Variants in ARHGAP19 observed in about 807,000 individuals in gnomAD.
ARHGAP19 encodes the protein Rho GTPase activating protein 19.
A neutral mutation model predicts 60.9 loss-of-function variants in ARHGAP19; 48 were observed. The observed-to-expected ratio is 0.79, with a 90% CI of 0.62 to 1.00. The LOEUF (loss-of-function observed/expected upper bound fraction) is 1.00, where lower values mean the gene tolerates loss of function less well. Among genes scored for constraint, ARHGAP19 ranks in the 50% least tolerant of loss-of-function variants. The pLI, the probability that ARHGAP19 is intolerant of heterozygous loss-of-function variation, is 0.00. For missense variants in ARHGAP19, 562 were observed against 597.2 expected (o/e 0.94, Z 0.61); for synonymous variants, 209 against 215.5 (o/e 0.97, Z 0.27).
intron 1 of ARHGAP19, 109 bp downstream of exon 1, chr10:97,292,458 CGTGGG>C: frequency 7.3e-7 from 1 of 1,363,128 alleles, no homozygotes; most frequent in East Asian, 2.4e-5. Flanking sequence ...TGAGAAACGC[CGTGGG>C]AGAAAGAAAC....
chr10:97,269,822 G>A (rs968867687), intron 1 of ARHGAP19, among the ~76,000 whole-genome samples: 1 of 152,142 alleles, frequency 6.6e-6, no homozygotes, highest in Non-Finnish European at 1.5e-5. Flanking sequence ...TTATATTCCT[G>A]AAACAGAAAC....
chr10:97,253,310 G>A (rs894410457), intron 6 of ARHGAP19, among the ~76,000 whole-genome samples: 17 of 151,528 alleles, frequency 1.1e-4, no homozygotes, highest in African/African-American at 2.7e-4. Context: ...CCCAGGAGAC[G>A]GAGGCTGCAG....
At chr10:97,266,882 G>C (rs1255189925) in intron 1 of ARHGAP19, among the ~76,000 whole-genome samples, 6 of 152,056 alleles carry the variant, frequency 3.9e-5, no homozygotes, top group African/African-American at 1.4e-4. Context: ...GGGGATTATG[G>C]GAGCTACAAT....
chr10:97,250,194 A>G (rs1196650708), intron 6 of ARHGAP19, among the ~76,000 whole-genome samples: 1 of 152,160 alleles, frequency 6.6e-6, no homozygotes, highest in Non-Finnish European at 1.5e-5. Context: ...CAGCCAAAAA[A>G]GTGTATGAAC....
At chr10:97,246,485 T>C in intron 6 of ARHGAP19, 148 bp from the exon 7 acceptor site, 2 of 623,620 alleles carry the variant, frequency 3.2e-6, no homozygotes, top group Non-Finnish European at 2.8e-6. Context: ...AGCCCCTCCA[T>C]AGCTTCCTTT....
At chr10:97,255,717 C>CT (rs1842744477) in intron 6 of ARHGAP19, among the ~76,000 whole-genome samples, 1 of 152,150 alleles carries the variant, frequency 6.6e-6, no homozygotes, top group African/African-American at 2.4e-5. Context: ...ACAAAGGGCC[C>CT]TTTCAAGAGA....
intron 8 of ARHGAP19, among the ~76,000 whole-genome samples, chr10:97,242,157 A>G (rs1002837305): frequency 6.6e-6 from 1 of 151,076 alleles, no homozygotes; most frequent in Non-Finnish European, 1.5e-5. Flanking sequence ...TGATATGATC[A>G]TAACTATGTA....
chr10:97,250,006 G>A (rs914724702), intron 6 of ARHGAP19, among the ~76,000 whole-genome samples: 7 of 151,886 alleles, frequency 4.6e-5, no homozygotes, highest in South Asian at 2.1e-4. Context: ...GGATGGTCTC[G>A]ATCTCCTGAC....
In ARHGAP19 at chr10:97,266,073, G is replaced by A. The variant is rs749819502; in HGVS notation, c.109C>T (p.Pro37Ser). 1.9e-6 allele frequency: 3 copies of A among 1,614,130 alleles called. No homozygotes were observed. The highest frequency in any genetic ancestry group is 2.7e-5 in the African/African-American group (2 of 75,024). Residue 37 changes from proline (P) to serine (S), a missense_variant, in exon 2 of 12, where the codon CCC becomes TCC. By Grantham distance (74) the Pro-to-Ser change is moderately conservative. Coordinates refer to ENST00000358531, the MANE Select transcript of ARHGAP19 (RefSeq NM_032900.6). ...AAAAAGTCAGGATTAAAGATAATGG[G>A]CTGACCTCGAAGGGAAGAATCATTG... is the stretch of plus-strand genomic sequence containing the variant. ...ICNDSSLRGQ[P>S]IIFNPDFFVE...
intron 1 of ARHGAP19, among the ~76,000 whole-genome samples, chr10:97,272,842 GTT>G (rs1273537428): frequency 6.4e-5 from 8 of 125,574 alleles, no homozygotes; most frequent in Admixed American, 8.0e-5. Context: ...TATGTTTGTT[GTT>G]TTTTTTTTTT....
chr10:97,255,610 A>G (rs910038583), intron 6 of ARHGAP19, among the ~76,000 whole-genome samples: 5 of 152,172 alleles, frequency 3.3e-5, no homozygotes, highest in Non-Finnish European at 4.4e-5. Flanking sequence ...GAGATTCACT[A>G]TCAAGGAAGT....
chr10:97,291,574 G>T (rs137858075), intron 1 of ARHGAP19, among the ~76,000 whole-genome samples: 6,263 of 152,214 alleles, frequency 0.041, 202 homozygotes, highest in Non-Finnish European at 0.061. Context: ...GATTACAGGC[G>T]TAAGCCACCA....
At chr10:97,226,255 T>C (rs1850893188) in intron 11 of ARHGAP19, 123 bp from the exon 12 acceptor site, 1 of 918,680 alleles carries the variant, frequency 1.1e-6, no homozygotes, top group Non-Finnish European at 1.7e-6. Flanking sequence ...CTAATGAGTT[T>C]AATTAAGAAT....
intron 11 of ARHGAP19, 124 bp from the exon 12 acceptor site, chr10:97,226,256 A>C: frequency 1.1e-6 from 1 of 920,006 alleles, no homozygotes; most frequent in South Asian, 1.6e-5. Flanking sequence ...TAATGAGTTT[A>C]ATTAAGAATG....
intron 8 of ARHGAP19, among the ~76,000 whole-genome samples, chr10:97,238,988 G>GT (rs1426882326): frequency 6.6e-6 from 1 of 151,986 alleles, no homozygotes; most frequent in East Asian, 1.9e-4. Context: ...ACTTACCATT[G>GT]TTACAATTGC....
intron 1 of ARHGAP19, among the ~76,000 whole-genome samples, chr10:97,283,693 A>G (rs116835922): frequency 8.7e-4 from 132 of 152,230 alleles, no homozygotes; most frequent in African/African-American, 3.1e-3. Context: ...AAGAGGCATT[A>G]CAGTTTAAGA....
chr10:97,270,801 T>C, intron 1 of ARHGAP19: 1 of 651,254 alleles, frequency 1.5e-6, no homozygotes, highest in East Asian at 2.9e-5. Flanking sequence ...AGCACTCATC[T>C]GCAAGAAGGA....
rs142337122 is a variant in ARHGAP19 at position 97,284,282 on chromosome 10, C to G, written c.56+8290G>C. ...GGATTACAGATGTGCGACACCATGCCCAGCTAATTTTTGTCTTTTTAGTAG... is the reference window on the plus strand; with the variant it reads ...GGATTACAGATGTGCGACACCATGCGCAGCTAATTTTTGTCTTTTTAGTAG... On this transcript the variant is annotated intron_variant, in intron 1 of 11. Transcript: ENST00000358531. Among the ~76,000 whole-genome samples, 13 of 152,116 alleles carry G rather than the reference C, an allele frequency of 8.5e-5. No individual in the cohort carries two copies. The East Asian group carries it at 2.3e-3, about 27-fold the overall frequency.
intron 5 of ARHGAP19, among the ~76,000 whole-genome samples, chr10:97,257,581 C>G (rs1221175709): frequency 6.6e-6 from 1 of 152,144 alleles, no homozygotes; most frequent in Non-Finnish European, 1.5e-5. Context: ...GCTGTGATTA[C>G]AGGCGTAAGT....
Sources: gnomAD v4.1 joint callset for allele counts (sites outside exome capture counted in the v4.1 genomes callset) on GRCh38, gnomAD v4.1.1 for gene constraint, MANE v1.5 for transcripts, NCBI Gene and HGNC (gene_info 2026-07-23, HGNC 2026-07-21) for gene names.